Variants in BLOC1S3 observed in about 807,000 individuals in gnomAD.
BLOC1S3 encodes the protein biogenesis of lysosomal organelles complex 1 subunit 3.
BLOC1S3 carries 7 observed loss-of-function variants against 9.1 expected under a neutral mutation model. That is an observed-to-expected ratio of 0.77 (90% CI 0.44 to 1.45). BLOC1S3 has a LOEUF of 1.45. BLOC1S3 is among the 40% of genes most tolerant of loss of function. BLOC1S3 has a pLI of 0.01. For missense variants in BLOC1S3, 307 were observed against 315.2 expected (o/e 0.97, Z 0.20); for synonymous variants, 145 against 158.4 (o/e 0.92, Z 0.64).
At chr19:45,197,370 C>T (rs1248912971) in intron 2 of BLOC1S3, among the ~76,000 whole-genome samples, 1 of 150,606 alleles carries the variant, frequency 6.6e-6, no homozygotes, top group African/African-American at 2.4e-5. Flanking sequence ...GCCTGTAATT[C>T]CAGCTACCCA....
At chr19:45,215,012 C>T (rs1434677785) in intron 3 of BLOC1S3, among the ~76,000 whole-genome samples, 3 of 151,488 alleles carry the variant, frequency 2.0e-5, no homozygotes, top group Non-Finnish European at 4.4e-5. Context: ...AAAAATTAGC[C>T]GGGCGTGGTG....
chr19:45,213,238 G>C, intron 3 of BLOC1S3: 1 of 1,613,154 alleles, frequency 6.2e-7, no homozygotes, highest in Non-Finnish European at 8.5e-7. Flanking sequence ...ACGGTCCCGA[G>C]GGGGTGACAG....
At chr19:45,195,871 G>T (rs3859420) in intron 2 of BLOC1S3, among the ~76,000 whole-genome samples, 1 of 151,826 alleles carries the variant, frequency 6.6e-6, no homozygotes, top group Non-Finnish European at 1.5e-5. Context: ...GTGGGATTAC[G>T]GGCGTGAGCC....
At chr19:45,203,343 G>A (rs1039255306) in intron 3 of BLOC1S3, among the ~76,000 whole-genome samples, 3 of 152,018 alleles carry the variant, frequency 2.0e-5, no homozygotes, top group African/African-American at 7.2e-5. Flanking sequence ...ACGTGCTCTC[G>A]GCTCACTGCA....
chr19:45,211,734 T>C (rs1488579991), intron 3 of BLOC1S3, among the ~76,000 whole-genome samples: 1 of 151,068 alleles, frequency 6.6e-6, no homozygotes, highest in African/African-American at 2.4e-5. Flanking sequence ...CAAATGTGCA[T>C]GCGTGAAGTT....
chr19:45,215,642 G>A (rs1568478884), intron 3 of BLOC1S3, among the ~76,000 whole-genome samples: 1 of 152,158 alleles, frequency 6.6e-6, no homozygotes, highest in Non-Finnish European at 1.5e-5. Flanking sequence ...CCCATGGAAC[G>A]GATGAGGAAA....
intron 3 of BLOC1S3, among the ~76,000 whole-genome samples, chr19:45,209,108 G>C (rs1402678295): frequency 6.6e-6 from 1 of 151,816 alleles, no homozygotes; most frequent in East Asian, 1.9e-4. Context: ...GAGTGCAATG[G>C]TGCTACCTCG....
rs547707124 is a variant in BLOC1S3 at position 45,209,491 on chromosome 19, G to A, written n.282+6984G>A. ...GGTTGGAGTGCAGTAATGCAATCTC[G>A]GCTCACTGCAAGCTCCGCCTCCCGG... On this transcript the variant is annotated intron_variant and non_coding_transcript_variant, in intron 3 of 3. Coordinates refer to the BLOC1S3 transcript ENST00000591569. Among the ~76,000 whole-genome samples, 5 of 151,974 alleles carry A rather than the reference G, an allele frequency of 3.3e-5. No homozygotes were observed. In the South Asian group the frequency reaches 6.2e-4, roughly 19 times the overall value.
intron 2 of BLOC1S3, among the ~76,000 whole-genome samples, chr19:45,195,408 T>C (rs1231738484): frequency 6.6e-6 from 1 of 152,006 alleles, no homozygotes; most frequent in African/African-American, 2.4e-5. Flanking sequence ...GGTTTTGGAA[T>C]GTTGCCCAGG....
At position 45,209,480 on chromosome 19, in the gene BLOC1S3, A is replaced by G. The variant is rs867607203; in HGVS notation, n.282+6973A>G. Among the ~76,000 whole-genome samples, 22 of 150,760 alleles carry G rather than the reference A, an allele frequency of 1.5e-4. No homozygotes were observed. In the Middle Eastern group the frequency reaches 0.011, roughly 73 times the overall value. ...TCTGTCGCCCAGGTTGGAGTGCAGT[A>G]ATGCAATCTCGGCTCACTGCAAGCT... On this transcript the variant is annotated intron_variant and non_coding_transcript_variant, in intron 3 of 3. Coordinates refer to the BLOC1S3 transcript ENST00000591569.
At chr19:45,215,709 G>A (rs1969825149) in intron 3 of BLOC1S3, among the ~76,000 whole-genome samples, 2 of 152,130 alleles carry the variant, frequency 1.3e-5, no homozygotes, top group Non-Finnish European at 2.9e-5. Context: ...GTTGAATGCC[G>A]CCTGCGCCTG....
At chr19:45,194,225 G>A (rs1028486141) in intron 2 of BLOC1S3, among the ~76,000 whole-genome samples, 3 of 145,248 alleles carry the variant, frequency 2.1e-5, no homozygotes, top group Non-Finnish European at 4.5e-5. Context: ...CAATTCTCCT[G>A]CCTCAGCCTC....
At chr19:45,186,371 C>T (rs1037384948), downstream of BLOC1S3, among the ~76,000 whole-genome samples, 1 of 152,128 alleles carries the variant, frequency 6.6e-6, no homozygotes, top group African/African-American at 2.4e-5. Context: ...CTACGTTGCT[C>T]AGGCTGGTCT....
chr19:45,206,462 T>TTTTTTG (rs1555754634), intron 3 of BLOC1S3, among the ~76,000 whole-genome samples: 1 of 115,446 alleles, frequency 8.7e-6, no homozygotes, highest in African/African-American at 3.6e-5. Context: ...TTTTTTTTTT[T>TTTTTTG]TTTTTTTTTT....
chr19:45,204,131 C>T (rs543689201), intron 3 of BLOC1S3, among the ~76,000 whole-genome samples: 179 of 151,628 alleles, frequency 1.2e-3, no homozygotes, highest in African/African-American at 4.1e-3. Context: ...CTCAGCCTCC[C>T]GAGTAGCTGG....
At position 45,214,427 on chromosome 19, in the gene BLOC1S3, GTGC is replaced by G. The variant is rs1051650155; in HGVS notation, n.283-2246_283-2244del. 4.1e-4 allele frequency among the ~76,000 whole-genome samples: 62 copies of G among 152,236 alleles called. 1 individual carries two copies. In the Middle Eastern group the frequency reaches 0.01, roughly 25 times the overall value. On this transcript the variant is annotated intron_variant and non_coding_transcript_variant, in intron 3 of 3. Coordinates refer to the BLOC1S3 transcript ENST00000591569. Reference sequence around the variant, plus strand: ...CAGCACTGTCACATGGTGGTGTGGTGTGCTGATCTGGTACACTAGTTTTTTTGT... The same window carrying G: ...CAGCACTGTCACATGGTGGTGTGGTGTGATCTGGTACACTAGTTTTTTTGT...
chr19:45,183,909 A>G (rs1014462381), downstream of BLOC1S3, among the ~76,000 whole-genome samples: 12 of 151,904 alleles, frequency 7.9e-5, no homozygotes, highest in African/African-American at 1.7e-4. Context: ...TGCTGGGATT[A>G]CAGGCATGAG....
chr19:45,180,235 AT>A lies in BLOC1S3; in HGVS notation c.*354del, dbSNP rs34965337. ...CTGTTTCCACCCTGGGGGCTCACCA[AT>A]TTTTTTTTTTTTTTTTTTTTTTTGG... On this transcript the variant is annotated 3_prime_UTR_variant, in exon 2 of 2. Transcript: ENST00000433642. 5,088 of 90,490 alleles carry A rather than the reference AT, an allele frequency of 0.056. 104 individuals are homozygous for A. The highest frequency in any genetic ancestry group is 0.11 in the African/African-American group (1,942 of 17,872). 5.6% of individuals were successfully genotyped at this position (90,490 alleles called of 1,614,324 possible).
intron 3 of BLOC1S3, among the ~76,000 whole-genome samples, chr19:45,211,811 A>C (rs965655910): frequency 4.6e-5 from 7 of 151,872 alleles, no homozygotes; most frequent in Non-Finnish European, 7.4e-5. Context: ...AAAAAAAAAA[A>C]AACCACATAC....
Sources: gnomAD v4.1 joint callset for allele counts (sites outside exome capture counted in the v4.1 genomes callset) on GRCh38, gnomAD v4.1.1 for gene constraint, MANE v1.5 for transcripts, NCBI Gene and HGNC (gene_info 2026-07-23, HGNC 2026-07-21) for gene names.